NCOA2: variants seen among roughly 807,000 people sequenced by gnomAD.
NCOA2 encodes class E basic helix-loop-helix protein 75.
A neutral mutation model predicts 145.1 loss-of-function variants in NCOA2; 21 were observed. The observed-to-expected ratio is 0.14, with a 90% CI of 0.10 to 0.21. The LOEUF (loss-of-function observed/expected upper bound fraction) is 0.21, where lower values mean the gene tolerates loss of function less well. NCOA2 is among the 10% of genes least tolerant of loss of function. The pLI is 1.00. For synonymous variants in NCOA2, 619 were observed against 637.5 expected (o/e 0.97, Z 0.44); for missense variants, 1,472 against 1,837.6 (o/e 0.80, Z 3.64).
intron 1 of NCOA2, among the ~76,000 whole-genome samples, chr8:70,400,266 C>G (rs1187738884): frequency 6.6e-6 from 1 of 152,158 alleles, no homozygotes; most frequent in African/African-American, 2.4e-5. Context: ...AGTCAAAGAA[C>G]TCCTCTGTTT....
the NCOA2 span, among the ~76,000 whole-genome samples, chr8:70,418,858 T>TATTGCAATATATTGAATATA: frequency 2.6e-5 from 4 of 152,182 alleles, no homozygotes; most frequent in Non-Finnish European, 4.4e-5. Context: ...TAGTACTATA[T>TATTGCAATATATTGAATATA]TTGCAATATA....
chr8:70,348,622 T>C (rs1298878522), intron 1 of NCOA2, among the ~76,000 whole-genome samples: 2 of 151,958 alleles, frequency 1.3e-5, no homozygotes, highest in African/African-American at 4.8e-5. Context: ...TATAGGGAGG[T>C]TGTAGCAGTA....
intron 4 of NCOA2, among the ~76,000 whole-genome samples, chr8:70,180,262 AT>A (rs767060952): frequency 6.6e-6 from 1 of 152,216 alleles, no homozygotes; most frequent in Non-Finnish European, 1.5e-5. Flanking sequence ...AGTTTTACAA[AT>A]GCAAAACCTG....
At chr8:70,195,073 A>G (rs537752109) in intron 4 of NCOA2, among the ~76,000 whole-genome samples, 8 of 152,202 alleles carry the variant, frequency 5.3e-5, no homozygotes, top group Admixed American at 2.0e-4. Flanking sequence ...ACTTACCTAC[A>G]GGGAGTGTTG....
chr8:70,118,630 C>A (rs1807414416), intron 22 of NCOA2, among the ~76,000 whole-genome samples: 2 of 151,980 alleles, frequency 1.3e-5, no homozygotes, highest in Admixed American at 6.6e-5. Context: ...CATCAAATAC[C>A]CACTTTTTTT....
At chr8:70,425,281 T>C in the NCOA2 span, among the ~76,000 whole-genome samples, 1 of 152,196 alleles carries the variant, frequency 6.6e-6, no homozygotes, top group African/African-American at 2.4e-5. Flanking sequence ...TTATTTTTTT[T>C]AATCTGCATT....
intron 2 of NCOA2, among the ~76,000 whole-genome samples, chr8:70,282,153 A>T (rs1433144943): frequency 6.6e-6 from 1 of 152,178 alleles, no homozygotes; most frequent in Non-Finnish European, 1.5e-5. Flanking sequence ...ATTCAATTTA[A>T]CAGCAATGTA....
chr8:70,234,331 A>T (rs1196689750), intron 2 of NCOA2, among the ~76,000 whole-genome samples: 1 of 152,186 alleles, frequency 6.6e-6, no homozygotes, highest in South Asian at 2.1e-4. Flanking sequence ...TTTGTGTACA[A>T]GTTTTTACAC....
At chr8:70,117,032 T>C (rs1807224240) in intron 22 of NCOA2, among the ~76,000 whole-genome samples, 1 of 152,250 alleles carries the variant, frequency 6.6e-6, no homozygotes, top group South Asian at 2.1e-4. Flanking sequence ...ACGCCTTTGC[T>C]GGGAAGAGAG....
intron 4 of NCOA2, among the ~76,000 whole-genome samples, chr8:70,200,419 C>CA (rs936528410): frequency 1.3e-5 from 2 of 152,130 alleles, no homozygotes; most frequent in Admixed American, 1.3e-4. Context: ...CTAAGGCATA[C>CA]AGCATTACTG....
rs538226143 is a variant in NCOA2, at chr8:70,185,665, G to C, written c.260-10806C>G. On this transcript the variant is annotated intron_variant, in intron 4 of 22. Coordinates refer to ENST00000452400, the MANE Select transcript of NCOA2 (RefSeq NM_006540.4). ...AACTCCAGAGGCAGGCTCCAGAAAA[G>C]TTTACAATCTGACACCACTCAAATC... is the stretch of plus-strand genomic sequence containing the variant. Among the ~76,000 whole-genome samples the C allele has an allele frequency of 4.6e-5, 7 of 152,278 alleles. No homozygotes were observed. In the South Asian group the frequency reaches 1.0e-3, roughly 23 times the overall value.
At chr8:70,197,813 C>T (rs989242464) in intron 4 of NCOA2, among the ~76,000 whole-genome samples, 2 of 150,052 alleles carry the variant, frequency 1.3e-5, no homozygotes, top group South Asian at 2.1e-4. Context: ...GGATTTCTTG[C>T]TGCTTTCACA....
chr8:70,371,377 G>A (rs1322987266), intron 1 of NCOA2, among the ~76,000 whole-genome samples: 1 of 151,948 alleles, frequency 6.6e-6, no homozygotes, highest in African/African-American at 2.4e-5. Flanking sequence ...ATTCTGAAAT[G>A]TCTTTTTCTA....
chr8:70,406,810 A>G (rs77365498), upstream of NCOA2, among the ~76,000 whole-genome samples: 12,136 of 152,218 alleles, frequency 0.08, 570 homozygotes, highest in East Asian at 0.13. Flanking sequence ...TAAAAGTGGG[A>G]GATTCTATAC....
At chr8:70,249,977 A>AAAAAAAAAG (rs751876043) in intron 2 of NCOA2, among the ~76,000 whole-genome samples, 208 of 137,862 alleles carry the variant, frequency 1.5e-3, no homozygotes, top group Middle Eastern at 3.7e-3. Flanking sequence ...AAAAAAAAAA[A>AAAAAAAAAG]AAGAAGAAGA....
In NCOA2 at chr8:70,216,670, G is replaced by T; in HGVS notation, c.76C>A (p.Leu26Ile). The part of the protein sequence containing the change: ...TRKRKECPDQ[L>I]GPSPKRNTEK... ...CAGCAAGAATCTAACCTGGGTCCAA[G>T]TTGGTCAGGACATTCCTTGCGCTTT... The change falls in exon 3 of 23, where the codon CTT (leucine) becomes ATT (isoleucine). Residue 26 changes from leucine to isoleucine, a missense_variant. Leu to Ile is a conservative substitution (Grantham distance 5). Transcript: ENST00000452400. 1 of 1,612,486 alleles carries T rather than the reference G, an allele frequency of 6.2e-7. No homozygotes were observed. The highest frequency in any genetic ancestry group is 8.5e-7 in the Non-Finnish European group (1 of 1,178,516).
At chr8:70,165,606 G>A (rs1224564016) in intron 7 of NCOA2, among the ~76,000 whole-genome samples, 1 of 152,126 alleles carries the variant, frequency 6.6e-6, no homozygotes, top group African/African-American at 2.4e-5. Context: ...TGCCTAGTGG[G>A]CTCAGGAAGT....
the NCOA2 span, among the ~76,000 whole-genome samples, chr8:70,433,409 GT>G: frequency 6.6e-6 from 1 of 151,934 alleles, no homozygotes; most frequent in Non-Finnish European, 1.5e-5. Context: ...TACAGGACAT[GT>G]TTTCCATTCT....
intron 1 of NCOA2, among the ~76,000 whole-genome samples, chr8:70,337,814 T>C (rs1049233768): frequency 5.3e-5 from 8 of 152,114 alleles, no homozygotes; most frequent in Admixed American, 5.2e-4. Flanking sequence ...CAAAACTACA[T>C]GGAAATTCAA....
Sources: gnomAD v4.1 joint callset for allele counts (sites outside exome capture counted in the v4.1 genomes callset) on GRCh38, gnomAD v4.1.1 for gene constraint, MANE v1.5 for transcripts, NCBI Gene and HGNC (gene_info 2026-07-23, HGNC 2026-07-21) for gene names.